DST: variants seen among roughly 807,000 people sequenced by gnomAD.
DST encodes the protein bullous pemphigoid antigen.
Under a neutral mutation model 875.2 loss-of-function variants are expected in DST, and 253 were observed. The observed-to-expected ratio is 0.29, with a 90% CI of 0.26 to 0.32. The LOEUF (loss-of-function observed/expected upper bound fraction) is 0.32, where lower values mean the gene tolerates loss of function less well. DST is among the 10% of genes least tolerant of loss of function. The pLI is 1.00. For synonymous variants in DST, 3,124 were observed against 3,197.1 expected (o/e 0.98, Z 0.77); for missense variants, 8,287 against 9,111.6 (o/e 0.91, Z 3.68).
At position 56,587,322 on chromosome 6, in the gene DST, T is replaced by C. The variant is rs577126386; in HGVS notation, c.12903+4860A>G. The stretch of plus-strand genomic sequence containing the variant: ...AAGAAAGGGTATCAGCGATGGAAGA[T>C]GAAACGAATGAAATGAAGCAAGAAG... On this transcript the variant is annotated intron_variant, in intron 49 of 103. Transcript: ENST00000680361. Among the ~76,000 whole-genome samples the C allele has an allele frequency of 2.2e-4, 33 of 152,032 alleles. No homozygotes were observed. In the East Asian group the frequency reaches 3.7e-3, roughly 17 times the overall value.
intron 2 of DST, among the ~76,000 whole-genome samples, chr6:56,939,859 T>C (rs566910568): frequency 9.2e-5 from 14 of 151,978 alleles, no homozygotes; most frequent in African/African-American, 3.1e-4. Context: ...ACCCTGTCTC[T>C]ACTAAAACTA....
At chr6:56,883,253 GC>G (rs1243607416) in intron 3 of DST, among the ~76,000 whole-genome samples, 2 of 151,994 alleles carry the variant, frequency 1.3e-5, no homozygotes, top group Non-Finnish European at 2.9e-5. Context: ...CAGTAGTCTT[GC>G]GGGAAAAAAA....
Position 56,693,329 on chromosome 6 carries a change from G to A in DST, c.1047+6324C>T, listed in dbSNP as rs933569732. 2.9e-5 allele frequency: 34 copies of A among 1,166,092 alleles called. No individual in the cohort carries two copies. The East Asian group carries it at 3.7e-4, about 13-fold the overall frequency. 72.2% of individuals were successfully genotyped at this position (1,166,092 alleles called of 1,614,324 possible). A position where few individuals can be genotyped will look rare whatever the true frequency, so the allele number is the denominator to read the frequency against. On this transcript the variant is annotated intron_variant, in intron 9 of 103. Coordinates refer to ENST00000680361, the MANE Select transcript of DST (RefSeq NM_001374736.1). ...GAGAAAGGCACACACAAGAAATGCCGTGGCATCCTGCCCAGCCGGTCCGTG... is the reference window on the plus strand; with the variant it reads ...GAGAAAGGCACACACAAGAAATGCCATGGCATCCTGCCCAGCCGGTCCGTG...
At chr6:56,534,614 T>C (rs1460535272) in intron 63 of DST, among the ~76,000 whole-genome samples, 2 of 152,348 alleles carry the variant, frequency 1.3e-5, no homozygotes, top group Admixed American at 1.3e-4. Context: ...GACAATTTCA[T>C]AGGGATCAAC....
intron 4 of DST, among the ~76,000 whole-genome samples, chr6:56,804,594 C>T (rs1021688884): frequency 6.6e-6 from 1 of 152,136 alleles, no homozygotes; most frequent in African/African-American, 2.4e-5. Context: ...TTTAAGGCCA[C>T]ATCATAGAAG....
chr6:56,722,181 G>C (rs1048216018), intron 5 of DST, among the ~76,000 whole-genome samples: 1 of 151,958 alleles, frequency 6.6e-6, no homozygotes, highest in Non-Finnish European at 1.5e-5. Flanking sequence ...CTGTCCAAAG[G>C]CTCCTTGGTT....
chr6:56,672,329 C>A (rs1236800838), intron 9 of DST, among the ~76,000 whole-genome samples: 2 of 152,166 alleles, frequency 1.3e-5, no homozygotes, highest in African/African-American at 4.8e-5. Flanking sequence ...CACTCTCAGC[C>A]ATAGTCTGAG....
intron 9 of DST, 43 bp from the exon 10 acceptor site, chr6:56,670,850 G>C: frequency 6.2e-4 from 817 of 1,320,548 alleles, no homozygotes; most frequent in Non-Finnish European, 7.6e-4. Flanking sequence ...AAGGAAGGAA[G>C]CTAACTCAGA....
At chr6:56,732,906 T>C (rs1183946838) in intron 5 of DST, among the ~76,000 whole-genome samples, 1 of 152,222 alleles carries the variant, frequency 6.6e-6, no homozygotes, top group Admixed American at 6.5e-5. Flanking sequence ...AGTGCAGCTC[T>C]ACCAGTAGCA....
rs370451506 is a variant in DST, at chr6:56,604,957, T to C, written c.9671A>G (p.Asn3224Ser). ...MKEHLQLGVN[N>S]TKEKSTSTQK... is the part of the protein sequence containing the mutation. ...GGTACTAGTGGACTTCTCTTTTGTA[T>C]TATTAACTCCTAATTGTAAATGTTC... is the stretch of plus-strand genomic sequence containing the variant. The change falls in exon 40 of 104, where the codon AAT becomes AGT. Residue 3224 changes from asparagine (N) to serine (S), a missense_variant. This residue lies in a region of DST where 3,138 missense variants were observed against 3,116.6 expected (regional missense o/e 1.01). Coordinates refer to ENST00000680361, the MANE Select transcript of DST (RefSeq NM_001374736.1). The C allele has an allele frequency of 4.3e-6, 7 of 1,612,654 alleles. No homozygotes were observed. The African/African-American group carries it at 9.4e-5, about 22-fold the overall frequency.
At chr6:56,609,978 T>C (rs927291205) in intron 39 of DST, among the ~76,000 whole-genome samples, 1 of 152,196 alleles carries the variant, frequency 6.6e-6, no homozygotes, top group African/African-American at 2.4e-5. Context: ...ATTTATACTT[T>C]AAGAAGATGC....
chr6:56,701,890 G>T lies in DST; in HGVS notation c.952C>A (p.Gln318Lys). The change falls in exon 8 of 104, where the codon CAG becomes AAG. Residue 318 changes from glutamine to lysine, a missense_variant and splice_region_variant. Physicochemically the swap from Gln to Lys is moderately conservative, Grantham distance 53. Around this residue, in one of 10 missense-constraint regions of DST, gnomAD observed 1,160 missense variants for 1,424.3 expected, o/e 0.81. Transcript: ENST00000680361. ...QIALDYLKRR[Q>K]VKLVNIRNDD... Reference sequence around the variant, plus strand: ...ACAGTATTTTCAAAACATCATACCTGGCGTCTTTTCAAATAGTCAAGTGCA... The same window carrying T: ...ACAGTATTTTCAAAACATCATACCTTGCGTCTTTTCAAATAGTCAAGTGCA... 1 of 1,588,350 alleles carries T rather than the reference G, an allele frequency of 6.3e-7. No homozygotes were observed. The highest frequency in any genetic ancestry group is 1.1e-5 in the South Asian group (1 of 89,894).
At chr6:56,929,192 T>C (rs1808825705) in intron 2 of DST, among the ~76,000 whole-genome samples, 1 of 152,120 alleles carries the variant, frequency 6.6e-6, no homozygotes, top group Non-Finnish European at 1.5e-5. Context: ...AATATGTAAA[T>C]ATTTGATTCC....
intron 3 of DST, among the ~76,000 whole-genome samples, chr6:56,857,483 T>G (rs1768529702): frequency 6.6e-6 from 1 of 152,216 alleles, no homozygotes; most frequent in Non-Finnish European, 1.5e-5. Context: ...CAGTGGCCTG[T>G]GTAAAGAAGT....
chr6:56,576,005 T>C (rs2097857580), intron 50 of DST, among the ~76,000 whole-genome samples: 1 of 152,054 alleles, frequency 6.6e-6, no homozygotes, highest in South Asian at 2.1e-4. Context: ...GATTAGACAG[T>C]TGGAACTGTC....
At chr6:56,901,593 T>TA (rs1279717266) in intron 2 of DST, among the ~76,000 whole-genome samples, 14 of 151,968 alleles carry the variant, frequency 9.2e-5, no homozygotes, top group African/African-American at 3.4e-4. Flanking sequence ...AGACTCCATC[T>TA]AAAAAATAAA....
chr6:56,599,230 G>A (rs1260036289), intron 45 of DST, among the ~76,000 whole-genome samples: 3 of 151,962 alleles, frequency 2.0e-5, no homozygotes, highest in Non-Finnish European at 4.4e-5. Flanking sequence ...TCTCTCCTTA[G>A]TAGTTATAGC....
intron 2 of DST, among the ~76,000 whole-genome samples, chr6:56,940,546 G>A (rs1384624060): frequency 1.3e-5 from 2 of 151,678 alleles, no homozygotes; most frequent in Non-Finnish European, 2.9e-5. Context: ...TGGGCATCAA[G>A]TTGTACAGTA....
intron 61 of DST, among the ~76,000 whole-genome samples, chr6:56,550,849 T>A (rs1233907045): frequency 6.6e-6 from 1 of 152,056 alleles, no homozygotes; most frequent in South Asian, 2.1e-4. Context: ...GAAGGAAGAG[T>A]TGCTCCCAAG....
Sources: allele counts gnomAD v4.1 joint callset (sites outside exome capture counted in the v4.1 genomes callset), GRCh38; gene constraint gnomAD v4.1.1; regional missense constraint gnomAD v4.1.1; transcripts MANE v1.5; gene names NCBI Gene and HGNC (gene_info 2026-07-23, HGNC 2026-07-21).